The following WDR4 variants were observed in gnomAD, a reference collection of about 807,000 sequenced individuals.
WDR4 encodes WDR4 tRNA N7-guanosine methyltransferase non-catalytic subunit.
Under a neutral mutation model 48.6 loss-of-function variants are expected in WDR4, and 47 were observed. The ratio of observed to expected loss-of-function variants is 0.97; its 90% CI spans 0.77 to 1.23. The LOEUF is 1.23. WDR4 is among the 50% of genes most tolerant of loss of function. The pLI, the probability that WDR4 is intolerant of heterozygous loss-of-function variation, is 0.00. For missense variants in WDR4, 606 were observed against 551.6 expected, an observed-to-expected ratio of 1.10 and a Z score of -0.99; for synonymous variants, 268 against 230.0, an observed-to-expected ratio of 1.17 and a Z score of -1.49.
At chr21:42,845,675 C>T (rs375545346), downstream of WDR4, among the ~76,000 whole-genome samples, 10 of 152,350 alleles carry the variant, frequency 6.6e-5, no homozygotes, top group East Asian at 1.9e-3. Context: ...CATGAGCCGC[C>T]ACAGCCGCAA....
rs3788039 is a variant in WDR4 at position 42,869,208 on chromosome 21, C to A, written c.296+4343G>T. Reference sequence around the variant, plus strand: ...TCTCAGTGGTTTCCAATTTTCTGTACGGACCAAAACCAAAGGATAAAAAAG... The same window carrying A: ...TCTCAGTGGTTTCCAATTTTCTGTAAGGACCAAAACCAAAGGATAAAAAAG... On this transcript the variant is annotated intron_variant, in intron 3 of 10. Transcript: ENST00000398208. Among the ~76,000 whole-genome samples the A allele has an allele frequency of 5.3e-5, 8 of 152,218 alleles. No homozygotes were observed. In the East Asian group the frequency reaches 1.5e-3, roughly 29 times the overall value.
rs773315005 is a variant in WDR4, at chr21:42,863,427, G to A, written c.453+13C>T. 58 of 1,561,354 alleles carry A rather than the reference G, an allele frequency of 3.7e-5. No homozygotes were observed. Among genetic ancestry groups the A allele is most frequent in the Admixed American group, 1.6e-4 (9 of 55,422 alleles). On this transcript the variant is annotated intron_variant, in intron 4 of 10. Coordinates refer to ENST00000398208, the MANE Select transcript of WDR4 (RefSeq NM_018669.6). ...ACCTGCCATGTCCCCCACCTACCAC[G>A]TCCCCCACCTACCACATCTAACAGC...
chr21:42,869,627 T>C (rs2058323771), intron 3 of WDR4, among the ~76,000 whole-genome samples: 2 of 151,814 alleles, frequency 1.3e-5, no homozygotes, highest in African/African-American at 4.8e-5. Context: ...AAAGAGCTCC[T>C]ACAAATAAAC....
intron 2 of WDR4, among the ~76,000 whole-genome samples, chr21:42,876,233 A>C (rs1569337629): frequency 3.5e-5 from 1 of 28,578 alleles, no homozygotes; most frequent in Non-Finnish European, 8.1e-5. Context: ...TTTTTTTGGG[A>C]GACAGAGTCT....
At chr21:42,858,578 G>A (rs755466359) in intron 6 of WDR4, among the ~76,000 whole-genome samples, 18 of 152,318 alleles carry the variant, frequency 1.2e-4, no homozygotes, top group South Asian at 2.1e-4. Flanking sequence ...ACCAGATGAC[G>A]TGTTCCACTC....
chr21:42,852,138 C>T, intron 10 of WDR4, 117 bp downstream of exon 10: 2 of 1,080,494 alleles, frequency 1.9e-6, no homozygotes, highest in Non-Finnish European at 1.4e-6. Flanking sequence ...CACACGCTTA[C>T]TCTCCCTCTT....
rs755771018 is a variant in WDR4, at chr21:42,859,741, G to A, written c.567-19C>T. 6.4e-7 allele frequency: 1 copy of A among 1,554,332 alleles called. No individual in the cohort carries two copies. Among genetic ancestry groups the A allele is most frequent in the Non-Finnish European group, 8.7e-7 (1 of 1,148,588 alleles). ...CACAAACCTGTGAGGGCGAGAGAGA[G>A]CGGCAGAGTCAGCGAGCCCAGCGCC... On this transcript the variant is annotated intron_variant, in intron 5 of 10. Transcript: ENST00000398208.
At chr21:42,851,847 A>C (rs1339348166) in intron 10 of WDR4, among the ~76,000 whole-genome samples, 2 of 151,542 alleles carry the variant, frequency 1.3e-5, no homozygotes, top group Non-Finnish European at 2.9e-5. Context: ...CCCCCACTAA[A>C]CCTCCCAGTG....
In WDR4 at chr21:42,855,775, G is replaced by A. The variant is rs112027714; in HGVS notation, c.633C>T (p.Gly211=). ...PGLLLSSSGD[G]TLRLWEYRSG... ...TCCTGTACTCCCAGAGCCTCAGGGT[G>A]CCGTCCTGCACAAACCAAACACACA... Residue 211 remains glycine, a synonymous_variant, in exon 7 of 11, where the codon GGC becomes GGT. Coordinates refer to ENST00000398208, the MANE Select transcript of WDR4 (RefSeq NM_018669.6). 756 of 1,551,012 alleles carry A rather than the reference G, an allele frequency of 4.9e-4. 4 individuals carry two copies. In the African/African-American group the frequency reaches 8.2e-3, roughly 17 times the overall value.
At chr21:42,864,585 C>A (rs989441145) in intron 3 of WDR4, among the ~76,000 whole-genome samples, 1 of 152,156 alleles carries the variant, frequency 6.6e-6, no homozygotes, top group Non-Finnish European at 1.5e-5. Context: ...GCGCTCCCCC[C>A]AGTCCACATC....
downstream of WDR4, among the ~76,000 whole-genome samples, chr21:42,845,053 C>T (rs1469477454): frequency 6.6e-6 from 1 of 152,212 alleles, no homozygotes; most frequent in Non-Finnish European, 1.5e-5. Flanking sequence ...GAAGGGTGCA[C>T]TGGGCACGGA....
chr21:42,874,124 G>A (rs1294473469), intron 2 of WDR4, among the ~76,000 whole-genome samples: 2 of 152,220 alleles, frequency 1.3e-5, no homozygotes, highest in Non-Finnish European at 2.9e-5. Flanking sequence ...CTGAAGCCAT[G>A]GCAGAAGAAT....
Position 42,873,581 on chromosome 21 carries a change from C to T in WDR4, c.266G>A (p.Arg89His), listed in dbSNP as rs751142345. 45 of 1,613,968 alleles carry T rather than the reference C, an allele frequency of 2.8e-5. No individual in the cohort carries two copies. Among genetic ancestry groups the T allele is most frequent in the African/African-American group, 1.1e-4 (8 of 74,924 alleles). ...ACTCAGACATTGCCATGGTTTTGTACGGAAAAGAATCAGACGCTTACTGTC... is the reference window on the plus strand; with the variant it reads ...ACTCAGACATTGCCATGGTTTTGTATGGAAAAGAATCAGACGCTTACTGTC... ...TDDSKRLILF[R>H]TKPWQCLSVR... is the part of the protein sequence containing the mutation. Residue 89 changes from arginine to histidine, a missense_variant, in exon 3 of 11, where the codon CGT becomes CAT. Transcript: ENST00000398208.
At chr21:42,884,726 A>G in the WDR4 span, among the ~76,000 whole-genome samples, 1 of 151,808 alleles carries the variant, frequency 6.6e-6, no homozygotes, top group Non-Finnish European at 1.5e-5. Context: ...CACCAGCACT[A>G]CATTGTGGTT....
chr21:42,854,585 GT>G lies in WDR4; in HGVS notation c.767del (p.Asn256ThrfsTer78). The G allele has an allele frequency of 6.2e-7, 1 of 1,613,880 alleles. No individual in the cohort carries two copies. The highest frequency in any genetic ancestry group is 8.5e-7 in the Non-Finnish European group (1 of 1,179,956). Reference protein sequence around the residue: ...ASRIAFWCQENCVALLCDGTP... With the variant: ...ASRIAFWCQEXCVALLCDGTP... ...ACCCGTCGCACAGGAGCGCCACGCA[GT>G]TCTCCTGGCACCAGAATGCAATCCT... On this transcript the variant is annotated frameshift_variant, in exon 8 of 11. Transcript: ENST00000398208. LOFTEE classifies it high-confidence loss of function.
At chr21:42,866,593 G>C (rs2058251858) in intron 3 of WDR4, among the ~76,000 whole-genome samples, 1 of 152,122 alleles carries the variant, frequency 6.6e-6, no homozygotes, top group Non-Finnish European at 1.5e-5. Flanking sequence ...CCCCATGTTT[G>C]CGGACCAGCC....
At chr21:42,859,355 TCTAC>T (rs1168992666) in intron 6 of WDR4, among the ~76,000 whole-genome samples, 5 of 152,140 alleles carry the variant, frequency 3.3e-5, no homozygotes, top group Non-Finnish European at 5.9e-5. Context: ...GTCTACTGTT[TCTAC>T]CTGAGATCCT....
At chr21:42,868,334 T>A (rs1001458579) in intron 3 of WDR4, among the ~76,000 whole-genome samples, 3 of 152,198 alleles carry the variant, frequency 2.0e-5, no homozygotes, top group Admixed American at 2.0e-4. Flanking sequence ...CAAGCTCACA[T>A]TGAAGTAAGG....
rs539221053 is a variant in WDR4 at position 42,851,857 on chromosome 21, G to A, written c.1045+398C>T. On this transcript the variant is annotated intron_variant, in intron 10 of 10. Coordinates refer to ENST00000398208, the MANE Select transcript of WDR4 (RefSeq NM_018669.6). The stretch of plus-strand genomic sequence containing the variant: ...CTAGACCCCCACTAAACCTCCCAGT[G>A]AGGCCCTGCACTTACTGACGCCCAC... 2.0e-5 allele frequency among the ~76,000 whole-genome samples: 3 copies of A among 152,298 alleles called. No individual in the cohort carries two copies. In the East Asian group the frequency reaches 5.8e-4, roughly 29 times the overall value.
Sources: allele counts gnomAD v4.1 joint callset (sites outside exome capture counted in the v4.1 genomes callset), GRCh38; gene constraint gnomAD v4.1.1; transcripts MANE v1.5; gene names NCBI Gene and HGNC (gene_info 2026-07-23, HGNC 2026-07-21).